Variants in CDC14A observed in about 807,000 individuals in gnomAD.
CDC14A encodes cell division cycle 14A.
In CDC14A, 53 loss-of-function variants were observed where a neutral mutation model predicts 74.4. The observed-to-expected ratio is 0.71, with a 90% CI of 0.57 to 0.89. The LOEUF (loss-of-function observed/expected upper bound fraction) is 0.89. Ranked by LOEUF, CDC14A falls within the 40% of genes least tolerant of loss-of-function variation. The pLI, the probability that CDC14A is intolerant of heterozygous loss-of-function variation, is 0.00. For synonymous variants in CDC14A, 247 were observed against 258.4 expected (o/e 0.96, Z 0.43); for missense variants, 646 against 713.7 (o/e 0.91, Z 1.08).
chr1:100,383,581 C>T (rs1656447663), intron 3 of CDC14A: 1 of 152,554 alleles, frequency 6.6e-6, no homozygotes, highest in Non-Finnish European at 1.5e-5. Flanking sequence ...AGTGAGATGA[C>T]CACTGATTGC....
At chr1:100,474,608 T>TG (rs1255015200) in intron 10 of CDC14A, among the ~76,000 whole-genome samples, 2 of 22,786 alleles carry the variant, frequency 8.8e-5, no homozygotes, top group Non-Finnish European at 5.3e-4. Flanking sequence ...TTGTGGAGTG[T>TG]GTTTTTTTTT....
rs1358203988 is a variant in CDC14A, at chr1:100,519,450, G to A, written c.*1170G>A. On this transcript the variant is annotated 3_prime_UTR_variant, in exon 16 of 16. Coordinates refer to ENST00000336454, the MANE Select transcript of CDC14A (RefSeq NM_003672.4). ...GTAGGTTTCATTTCTATGAGGAATC[G>A]AGGAGCGTTACATCCTGATATCCTT... 1 of 152,062 alleles carries A rather than the reference G, an allele frequency of 6.6e-6. No homozygotes were observed. The highest frequency in any genetic ancestry group is 1.5e-5 in the Non-Finnish European group (1 of 67,974). The allele number at this position is 152,062 out of a possible 1,614,324, so 9.4% of individuals were successfully genotyped here.
intron 7 of CDC14A, among the ~76,000 whole-genome samples, chr1:100,444,941 G>T (rs918067168): frequency 6.6e-6 from 1 of 151,844 alleles, no homozygotes; most frequent in Non-Finnish European, 1.5e-5. Flanking sequence ...CCCAAAGAGA[G>T]TTTTTTTTAA....
intron 3 of CDC14A, among the ~76,000 whole-genome samples, chr1:100,379,086 T>C (rs910346313): frequency 8.5e-5 from 13 of 152,310 alleles, no homozygotes; most frequent in African/African-American, 3.1e-4. Context: ...TTGGGTATTA[T>C]AATTAATCTG....
chr1:100,493,606 C>A (rs952857268), intron 11 of CDC14A, among the ~76,000 whole-genome samples: 1 of 152,212 alleles, frequency 6.6e-6, no homozygotes, highest in Non-Finnish European at 1.5e-5. Context: ...CATGAAGACT[C>A]CATGATCCTG....
upstream of CDC14A, among the ~76,000 whole-genome samples, chr1:100,347,700 T>C (rs925297142): frequency 1.3e-5 from 2 of 152,216 alleles, no homozygotes; most frequent in South Asian, 2.1e-4. Context: ...GAATAAATAA[T>C]TCAAATTACC....
At chr1:100,407,848 G>A (rs369023741) in intron 4 of CDC14A, among the ~76,000 whole-genome samples, 28 of 152,056 alleles carry the variant, frequency 1.8e-4, no homozygotes, top group Admixed American at 9.8e-4. Flanking sequence ...AGTTGACTTC[G>A]TAATTGTACA....
rs779179736 is a variant in CDC14A, at chr1:100,499,208, C to G, written c.1701C>G (p.Pro567=). The G allele has an allele frequency of 1.6e-5, 26 of 1,614,094 alleles. No homozygotes were observed. Among genetic ancestry groups the G allele is most frequent in the Non-Finnish European group, 2.0e-5 (24 of 1,180,042 alleles). Residue 567 remains proline, a synonymous_variant, in exon 15 of 16, where the codon CCC becomes CCG. Coordinates refer to ENST00000336454, the MANE Select transcript of CDC14A (RefSeq NM_003672.4). ...KTEEHTTILR[P]SYTGLSSSSA... is the part of the protein sequence containing the mutation. ...AGGAGCACACCACCATCCTCCGACC[C>G]TCCTACACCGGGCTTTCTTCTTCTT...
chr1:100,479,794 T>A (rs1268030545), intron 10 of CDC14A, among the ~76,000 whole-genome samples: 9 of 152,206 alleles, frequency 5.9e-5, no homozygotes, highest in African/African-American at 1.9e-4. Context: ...CTGATCCATT[T>A]GTTGACTGCC....
At chr1:100,496,594 G>C (rs928783075) in intron 13 of CDC14A, among the ~76,000 whole-genome samples, 1 of 152,320 alleles carries the variant, frequency 6.6e-6, no homozygotes, top group Non-Finnish European at 1.5e-5. Flanking sequence ...GTTTGGCCAA[G>C]AGTGTTGATG....
At chr1:100,499,523 T>A in intron 15 of CDC14A, 1 of 1,146,976 alleles carries the variant, frequency 8.7e-7, no homozygotes, top group Non-Finnish European at 1.2e-6. Context: ...TAGTTTCTCT[T>A]AAAAGGGAAA....
At chr1:100,376,679 G>C (rs1655306906) in intron 2 of CDC14A, among the ~76,000 whole-genome samples, 1 of 152,174 alleles carries the variant, frequency 6.6e-6, no homozygotes, top group African/African-American at 2.4e-5. Flanking sequence ...TTGGCTAAGA[G>C]AGAAGATCTA....
At chr1:100,456,449 A>C (rs140325594) in intron 8 of CDC14A, among the ~76,000 whole-genome samples, 1 of 142,978 alleles carries the variant, frequency 7.0e-6, no homozygotes, top group Non-Finnish European at 1.5e-5. Context: ...TTTTTTTTCT[A>C]TCTGATCATA....
At chr1:100,415,865 T>C (rs928714191) in intron 4 of CDC14A, among the ~76,000 whole-genome samples, 2 of 152,214 alleles carry the variant, frequency 1.3e-5, no homozygotes, top group Non-Finnish European at 2.9e-5. Context: ...AATGTATAAC[T>C]TTTTCCTATT....
chr1:100,517,941 T>G (rs1399430745), intron 15 of CDC14A, among the ~76,000 whole-genome samples: 1 of 152,202 alleles, frequency 6.6e-6, no homozygotes, highest in Non-Finnish European at 1.5e-5. Flanking sequence ...AACTCATTAA[T>G]TGTAGAAATG....
At chr1:100,496,247 G>A (rs989875565) in intron 13 of CDC14A, among the ~76,000 whole-genome samples, 198 bp downstream of exon 13, 3 of 148,556 alleles carry the variant, frequency 2.0e-5, no homozygotes, top group Non-Finnish European at 4.4e-5. Flanking sequence ...TTGCTGGCAT[G>A]CCCACAGGAC....
At chr1:100,407,599 G>A (rs1660119116) in intron 4 of CDC14A, among the ~76,000 whole-genome samples, 1 of 152,040 alleles carries the variant, frequency 6.6e-6, no homozygotes, top group African/African-American at 2.4e-5. Flanking sequence ...AAAAGCTTTT[G>A]GGCTGAGATG....
upstream of CDC14A, among the ~76,000 whole-genome samples, chr1:100,349,009 A>G (rs1650683564): frequency 6.6e-6 from 1 of 152,198 alleles, no homozygotes. Context: ...AGCCTGGCCA[A>G]CATAGTGAAA....
chr1:100,437,136 A>G (rs569293683), intron 5 of CDC14A, among the ~76,000 whole-genome samples: 10 of 152,296 alleles, frequency 6.6e-5, no homozygotes, highest in African/African-American at 2.4e-4. Flanking sequence ...CAGTGAGCCA[A>G]GATCATACCA....
Sources: allele counts gnomAD v4.1 joint callset (sites outside exome capture counted in the v4.1 genomes callset), GRCh38; gene constraint gnomAD v4.1.1; transcripts MANE v1.5; gene names NCBI Gene and HGNC (gene_info 2026-07-23, HGNC 2026-07-21).